INTS4: variants seen among roughly 807,000 people sequenced by gnomAD.
The protein encoded by INTS4 is MSTP093.
Under a neutral mutation model 119.5 loss-of-function variants are expected in INTS4, and 70 were observed. The observed-to-expected ratio is 0.59, with a 90% CI of 0.48 to 0.71. The LOEUF is 0.71. Among genes scored for constraint, INTS4 ranks in the 30% least tolerant of loss-of-function variants. The pLI is 0.00. For synonymous variants in INTS4, 316 were observed against 419.6 expected (o/e 0.75, Z 3.02); for missense variants, 867 against 1,173.2 (o/e 0.74, Z 3.81).
At chr11:77,975,342 T>C (rs535859078) in intron 4 of INTS4, among the ~76,000 whole-genome samples, 34 of 152,324 alleles carry the variant, frequency 2.2e-4, no homozygotes, top group Admixed American at 1.6e-3. Flanking sequence ...ATTAGTTACA[T>C]AGAAGTATGT....
intron 18 of INTS4, among the ~76,000 whole-genome samples, chr11:77,899,651 C>T (rs907793803): frequency 6.7e-6 from 1 of 149,540 alleles, no homozygotes; most frequent in African/African-American, 2.5e-5. Flanking sequence ...GCCTGGGCAA[C>T]AAGAGCGAGA....
downstream of INTS4, among the ~76,000 whole-genome samples, chr11:77,878,370 A>G (rs993341588): frequency 2.0e-5 from 3 of 152,126 alleles, no homozygotes; most frequent in African/African-American, 7.2e-5. Context: ...TCAAAAAAAA[A>G]AAAAAAATTT....
At chr11:77,986,879 C>CTAAAG (rs2136660173) in intron 2 of INTS4, 1 of 152,246 alleles carries the variant, frequency 6.6e-6, no homozygotes, top group South Asian at 2.1e-4. Flanking sequence ...GGAGAAATAC[C>CTAAAG]TAAAGTAAAT....
chr11:77,921,621 C>A lies in INTS4; in HGVS notation c.1631-148G>T, dbSNP rs905471798. The stretch of plus-strand genomic sequence containing the variant: ...GCAAATACAAACAACAAAATACATT[C>A]CCCTACTCCACCCACACCCCCAATT... On this transcript the variant is annotated intron_variant, in intron 13 of 22. Coordinates refer to ENST00000534064, the MANE Select transcript of INTS4 (RefSeq NM_033547.4). 4.4e-4 allele frequency: 273 copies of A among 616,336 alleles called. 1 individual carries two copies. The highest frequency in any genetic ancestry group is 6.9e-4 in the Non-Finnish European group (234 of 338,154). The allele number at this position is 616,336 out of a possible 1,614,324, so 38.2% of individuals were successfully genotyped here. A position where few individuals can be genotyped will look rare whatever the true frequency, so the allele number is the denominator to read the frequency against.
intron 2 of INTS4, among the ~76,000 whole-genome samples, chr11:77,990,103 T>C (rs993376201): frequency 5.3e-5 from 8 of 150,004 alleles, no homozygotes; most frequent in Non-Finnish European, 8.9e-5. Context: ...CCTGCGGTCC[T>C]AGCCACTCTG....
At chr11:77,979,318 C>T (rs947678096) in intron 3 of INTS4, among the ~76,000 whole-genome samples, 4 of 151,772 alleles carry the variant, frequency 2.6e-5, no homozygotes, top group Non-Finnish European at 5.9e-5. Context: ...AAAAATAAAT[C>T]TGAAAAAATG....
At chr11:77,955,626 G>C (rs1954300636) in intron 8 of INTS4, among the ~76,000 whole-genome samples, 1 of 152,016 alleles carries the variant, frequency 6.6e-6, no homozygotes, top group Non-Finnish European at 1.5e-5. Flanking sequence ...CTCCCGAGTA[G>C]CTGGGATTAC....
intron 21 of INTS4, among the ~76,000 whole-genome samples, chr11:77,888,061 T>C (rs1394078861): frequency 2.0e-5 from 3 of 152,136 alleles, no homozygotes; most frequent in African/African-American, 7.2e-5. Context: ...TTCACAGAAT[T>C]GGAAAAAACT....
At chr11:77,949,393 C>G (rs1011380389) in intron 8 of INTS4, among the ~76,000 whole-genome samples, 16 of 152,078 alleles carry the variant, frequency 1.1e-4, no homozygotes, top group African/African-American at 3.9e-4. Context: ...TAAAGAGCTT[C>G]TGCACAGCAA....
intron 1 of INTS4, among the ~76,000 whole-genome samples, chr11:77,992,629 T>G (rs1203979679): frequency 6.6e-6 from 1 of 152,140 alleles, no homozygotes; most frequent in Non-Finnish European, 1.5e-5. Flanking sequence ...AATTCACATT[T>G]CTATAGAAAA....
intron 7 of INTS4, among the ~76,000 whole-genome samples, chr11:77,958,071 T>C (rs116805580): frequency 0.011 from 1,659 of 152,262 alleles, 32 homozygotes; most frequent in African/African-American, 0.036. Flanking sequence ...TTTCTTTGTA[T>C]GTGTCTAAGT....
intron 21 of INTS4, among the ~76,000 whole-genome samples, chr11:77,884,206 G>A (rs940959834): frequency 6.6e-6 from 1 of 152,142 alleles, no homozygotes; most frequent in Non-Finnish European, 1.5e-5. Context: ...TAAGCGCAAA[G>A]ACAGGTAAGA....
Position 77,878,847 on chromosome 11 carries a change from C to G in INTS4, c.*102G>C. ...ATGAGACTGTAAGGGTCACATACTC[C>G]TTAAGCCTACACATCAATTCCAGGT... On this transcript the variant is annotated 3_prime_UTR_variant, in exon 23 of 23. Transcript: ENST00000534064. The G allele has an allele frequency of 1.2e-6, 1 of 855,244 alleles. No individual in the cohort carries two copies. Among genetic ancestry groups the G allele is most frequent in the Non-Finnish European group, 2.0e-6 (1 of 496,122 alleles). The allele number at this position is 855,244 out of a possible 1,614,324, so 53.0% of individuals were successfully genotyped here.
intron 15 of INTS4, among the ~76,000 whole-genome samples, chr11:77,917,228 G>T (rs1340934371): frequency 6.6e-6 from 1 of 152,016 alleles, no homozygotes; most frequent in Admixed American, 6.6e-5. Context: ...ATTATTAATT[G>T]AATGTGGCTG....
At chr11:77,993,484 G>A (rs1856778471) in intron 1 of INTS4, among the ~76,000 whole-genome samples, 1 of 152,200 alleles carries the variant, frequency 6.6e-6, no homozygotes, top group Non-Finnish European at 1.5e-5. Flanking sequence ...GTGAGGATGG[G>A]TGGAAGAGGG....
intron 8 of INTS4, among the ~76,000 whole-genome samples, chr11:77,953,509 A>G (rs1175983939): frequency 6.6e-6 from 1 of 152,212 alleles, no homozygotes; most frequent in East Asian, 1.9e-4. Context: ...TGACATATAC[A>G]AGGTAACACA....
At chr11:77,932,761 A>G (rs1953683497) in intron 10 of INTS4, among the ~76,000 whole-genome samples, 1 of 152,148 alleles carries the variant, frequency 6.6e-6, no homozygotes, top group Non-Finnish European at 1.5e-5. Context: ...TACACCATGG[A>G]ATACCACGCA....
At chr11:77,985,163 TAC>T (rs1856408016) in intron 2 of INTS4, among the ~76,000 whole-genome samples, 2 of 152,288 alleles carry the variant, frequency 1.3e-5, no homozygotes, top group South Asian at 2.1e-4. Context: ...TCCCCAAACT[TAC>T]AGTCTTCTAA....
intron 3 of INTS4, 139 bp downstream of exon 3, chr11:77,981,320 T>G: frequency 2.5e-6 from 1 of 407,020 alleles, no homozygotes. Flanking sequence ...CTAATGTAAA[T>G]ATGTATATAT....
Sources: gnomAD v4.1 joint callset for allele counts (sites outside exome capture counted in the v4.1 genomes callset) on GRCh38, gnomAD v4.1.1 for gene constraint, MANE v1.5 for transcripts, NCBI Gene and HGNC (gene_info 2026-07-23, HGNC 2026-07-21) for gene names.